MED13L: variants seen among roughly 807,000 people sequenced by gnomAD.
MED13L encodes the protein mediator of RNA polymerase II transcription subunit 13-like.
A neutral mutation model predicts 220.9 loss-of-function variants in MED13L; 7 were observed. The ratio of observed to expected loss-of-function variants is 0.03; its 90% CI spans 0.02 to 0.06. The LOEUF (loss-of-function observed/expected upper bound fraction) is 0.06, where lower values mean the gene tolerates loss of function less well. Ranked by LOEUF, MED13L falls within the 10% of genes least tolerant of loss-of-function variation. MED13L has a pLI of 1.00. For missense variants in MED13L, 1,965 were observed against 2,760.5 expected (o/e 0.71, Z 6.46); for synonymous variants, 1,011 against 1,015.2 (o/e 1.00, Z 0.08).
At chr12:116,255,563 A>G (rs541060324) in intron 1 of MED13L, among the ~76,000 whole-genome samples, 1 of 152,366 alleles carries the variant, frequency 6.6e-6, no homozygotes, top group African/African-American at 2.4e-5. Flanking sequence ...CAAAGAAGAC[A>G]GTGAGAAAAT....
Position 116,191,955 on chromosome 12 carries a change from A to C in MED13L, c.310+45513T>G, listed in dbSNP as rs569618841. Among the ~76,000 whole-genome samples the C allele has an allele frequency of 5.9e-5, 9 of 152,330 alleles. No individual in the cohort carries two copies. In the South Asian group the frequency reaches 1.7e-3, roughly 28 times the overall value. ...AAGAAGAGAATACACACAAACTATT[A>C]ATTTTTATTCTACCTAAAATGGTAT... On this transcript the variant is annotated intron_variant, in intron 2 of 30. Coordinates refer to ENST00000281928, the MANE Select transcript of MED13L (RefSeq NM_015335.5).
intron 2 of MED13L, among the ~76,000 whole-genome samples, chr12:116,219,619 T>C (rs773893258): frequency 1.3e-5 from 2 of 152,204 alleles, no homozygotes; most frequent in Non-Finnish European, 2.9e-5. Context: ...TCATTTATTG[T>C]ACACATATTA....
intron 2 of MED13L, among the ~76,000 whole-genome samples, chr12:116,228,282 A>G (rs1869204062): frequency 6.6e-6 from 1 of 152,214 alleles, no homozygotes; most frequent in Non-Finnish European, 1.5e-5. Flanking sequence ...TCTTGCTAAG[A>G]TCATTAATGA....
intron 2 of MED13L, among the ~76,000 whole-genome samples, chr12:116,126,496 CCA>C (rs1875600747): frequency 6.6e-6 from 1 of 152,152 alleles, no homozygotes; most frequent in African/African-American, 2.4e-5. Flanking sequence ...CTTTCCATCT[CCA>C]GTCTCAACCA....
intron 28 of MED13L, among the ~76,000 whole-genome samples, chr12:115,967,715 T>C: frequency 6.6e-6 from 1 of 152,212 alleles, no homozygotes; most frequent in Admixed American, 6.5e-5. Flanking sequence ...TTCAAAGTTG[T>C]CTTTAACAGA....
At chr12:116,060,507 G>C (rs999975735) in intron 4 of MED13L, among the ~76,000 whole-genome samples, 1 of 151,306 alleles carries the variant, frequency 6.6e-6, no homozygotes, top group Admixed American at 6.6e-5. Context: ...GAACCCAGGA[G>C]GTGGAGGTTG....
intron 28 of MED13L, among the ~76,000 whole-genome samples, chr12:115,967,383 G>A (rs1876255255): frequency 1.3e-5 from 2 of 152,148 alleles, no homozygotes; most frequent in Non-Finnish European, 2.9e-5. Context: ...GCCTCTTGGA[G>A]GTCACCTGGC....
In MED13L at chr12:115,975,580, A is replaced by G; in HGVS notation, c.5523T>C (p.Ala1841=). The G allele has an allele frequency of 6.2e-7, 1 of 1,614,196 alleles. No homozygotes were observed. The highest frequency in any genetic ancestry group is 1.7e-5 in the Admixed American group (1 of 60,028). ...CLSHDQRWLL[A]SCTDLHGELL... ...ATTCCCCATGGAGGTCAGTGCAGGA[A>G]GCCAAAAGCCAGCGCTGGTCGTGAG... The change falls in exon 24 of 31, where the codon GCT becomes GCC. Residue 1841 remains alanine (A), a synonymous_variant. Transcript: ENST00000281928.
At chr12:116,072,051 T>C (rs955083163) in intron 4 of MED13L, among the ~76,000 whole-genome samples, 3 of 152,224 alleles carry the variant, frequency 2.0e-5, no homozygotes, top group Non-Finnish European at 4.4e-5. Flanking sequence ...ATTTTGCAAC[T>C]TCCCGCATTT....
At chr12:116,212,431 TC>T (rs543693292) in intron 2 of MED13L, among the ~76,000 whole-genome samples, 247 of 152,300 alleles carry the variant, frequency 1.6e-3, no homozygotes, top group African/African-American at 5.3e-3. Flanking sequence ...AATCAATAAA[TC>T]TTCTGAGCAT....
chr12:116,166,311 G>T (rs777957709), intron 2 of MED13L, among the ~76,000 whole-genome samples: 1 of 152,102 alleles, frequency 6.6e-6, no homozygotes, highest in Non-Finnish European at 1.5e-5. Context: ...AGTGGGCTGG[G>T]GAAAGCAGAT....
At chr12:116,243,883 TAGATACTATAA>T (rs568536487) in intron 1 of MED13L, among the ~76,000 whole-genome samples, 12 of 152,298 alleles carry the variant, frequency 7.9e-5, no homozygotes, top group African/African-American at 2.9e-4. Context: ...AGGGTTGACC[TAGATACTATAA>T]ATCAGTTCAA....
intron 2 of MED13L, among the ~76,000 whole-genome samples, chr12:116,115,796 TA>T (rs1874462898): frequency 6.6e-6 from 1 of 152,062 alleles, no homozygotes; most frequent in African/African-American, 2.4e-5. Context: ...AAATGTAAAT[TA>T]AAATCACAAT....
Position 116,277,320 on chromosome 12 carries a change from G to T in MED13L, c.-189C>A. On this transcript the variant is annotated 5_prime_UTR_variant, in exon 1 of 31. Coordinates refer to ENST00000281928, the MANE Select transcript of MED13L (RefSeq NM_015335.5). The stretch of plus-strand genomic sequence containing the variant: ...GGCGACGCCGCGCCGGGGGCAGCGG[G>T]CCCGGGCTGGCGGGGGGGGCGCGCG... 3 of 292 alleles carry T rather than the reference G, an allele frequency of 0.01. No individual in the cohort carries two copies. Among genetic ancestry groups the T allele is most frequent in the East Asian group, 0.1 (1 of 10 alleles). 0.0% of individuals were successfully genotyped at this position (292 alleles called of 1,614,324 possible). A position where few individuals can be genotyped will look rare whatever the true frequency, so the allele number is the denominator to read the frequency against.
chr12:116,008,339 A>C, intron 10 of MED13L, 62 bp downstream of exon 10: 1 of 1,533,824 alleles, frequency 6.5e-7, no homozygotes, highest in South Asian at 1.3e-5. Context: ...TAGCAGGTAG[A>C]GATGGGGAGG....
At chr12:116,260,846 G>A (rs551777660) in intron 1 of MED13L, among the ~76,000 whole-genome samples, 3 of 152,162 alleles carry the variant, frequency 2.0e-5, no homozygotes, top group East Asian at 3.9e-4. Context: ...AAAATTAAAC[G>A]AGAATATCCC....
At chr12:116,182,195 T>C (rs1880574493) in intron 2 of MED13L, among the ~76,000 whole-genome samples, 1 of 152,156 alleles carries the variant, frequency 6.6e-6, no homozygotes, top group Non-Finnish European at 1.5e-5. Context: ...CCTGAACCTG[T>C]GCTGTTGAAT....
intron 28 of MED13L, among the ~76,000 whole-genome samples, chr12:115,968,062 C>CA (rs964616100): frequency 7.5e-5 from 10 of 134,122 alleles, no homozygotes; most frequent in African/African-American, 2.7e-4. Context: ...GTCCCCCCCC[C>CA]CCCCCGATGA....
rs146136076 is a variant in MED13L at position 116,176,946 on chromosome 12, T to G, written c.310+60522A>C. 1.7e-3 allele frequency among the ~76,000 whole-genome samples: 260 copies of G among 151,766 alleles called. 6 individuals carry two copies. In the East Asian group the frequency reaches 0.042, roughly 24 times the overall value. ...TGTGCCTGGAGTATAAGATAGCCAT[T>G]CCATATACACTCCCTCATCCTCAAA... On this transcript the variant is annotated intron_variant, in intron 2 of 30. Coordinates refer to ENST00000281928, the MANE Select transcript of MED13L (RefSeq NM_015335.5).
Sources: allele counts gnomAD v4.1 joint callset (sites outside exome capture counted in the v4.1 genomes callset), GRCh38; gene constraint gnomAD v4.1.1; transcripts MANE v1.5; gene names NCBI Gene and HGNC (gene_info 2026-07-23, HGNC 2026-07-21).